Variants in PFKFB3 observed in about 807,000 individuals in gnomAD.
The protein encoded by PFKFB3 is 6-phosphofructo-2-kinase/fructose-2,6-bisphosphatase 3.
In PFKFB3, 33 loss-of-function variants were observed where a neutral mutation model predicts 68.0. The observed-to-expected ratio is 0.49, with a 90% CI of 0.37 to 0.65. The LOEUF (loss-of-function observed/expected upper bound fraction) is 0.65, where lower values mean the gene tolerates loss of function less well. Ranked by LOEUF, PFKFB3 falls within the 30% of genes least tolerant of loss-of-function variation. The pLI, the probability that PFKFB3 is intolerant of heterozygous loss-of-function variation, is 0.00. For synonymous variants in PFKFB3, 315 were observed against 288.2 expected (o/e 1.09, Z -0.94); for missense variants, 586 against 712.2 (o/e 0.82, Z 2.02).
the PFKFB3 span, among the ~76,000 whole-genome samples, chr10:6,319,829 T>G: frequency 6.6e-6 from 1 of 152,228 alleles, no homozygotes; most frequent in Non-Finnish European, 1.5e-5. Context: ...ACCAATTAAT[T>G]TGGTTTTATT....
chr10:6,163,429 A>C (rs1842021589), intron 1 of PFKFB3, among the ~76,000 whole-genome samples: 1 of 152,162 alleles, frequency 6.6e-6, no homozygotes, highest in Admixed American at 6.5e-5. Flanking sequence ...CTTTAGTCCT[A>C]GATACACCTG....
At position 6,220,995 on chromosome 10, in the gene PFKFB3, C is replaced by A; in HGVS notation, c.831+130C>A. 1 of 883,008 alleles carries A rather than the reference C, an allele frequency of 1.1e-6. No individual in the cohort carries two copies. The highest frequency in any genetic ancestry group is 1.8e-6 in the Non-Finnish European group (1 of 545,876). 54.7% of individuals were successfully genotyped at this position (883,008 alleles called of 1,614,324 possible). A position where few individuals can be genotyped will look rare whatever the true frequency, so the allele number is the denominator to read the frequency against. Reference sequence around the variant, plus strand: ...TTGGTGTGCTTGCTGTGTGTGTTATCTGTGTGTGCGCCTGCACGTCTCTAT... The same window carrying A: ...TTGGTGTGCTTGCTGTGTGTGTTATATGTGTGTGCGCCTGCACGTCTCTAT... On this transcript the variant is annotated intron_variant, in intron 8 of 14. Coordinates refer to ENST00000379775, the MANE Select transcript of PFKFB3 (RefSeq NM_004566.4). This position sits in a 1 kb window ranked among gnomAD's most constrained non-coding sequence, Gnocchi z 4.1.
At chr10:6,259,632 A>G (rs549523812), downstream of PFKFB3, among the ~76,000 whole-genome samples, 52 of 152,108 alleles carry the variant, frequency 3.4e-4, no homozygotes, top group South Asian at 3.5e-3. Flanking sequence ...CCATCCATCC[A>G]TCCGTCCATC....
chr10:6,255,891 A>G (rs1846488253), downstream of PFKFB3, among the ~76,000 whole-genome samples: 2 of 152,042 alleles, frequency 1.3e-5, no homozygotes, highest in Admixed American at 1.3e-4. Flanking sequence ...CCTGGAAGGG[A>G]GCGTTGGCGG....
chr10:6,216,881 A>G, intron 5 of PFKFB3, 101 bp downstream of exon 5: 1 of 856,886 alleles, frequency 1.2e-6, no homozygotes, highest in Middle Eastern at 2.4e-4. Flanking sequence ...CCTGCTGCCC[A>G]TGTTCCTTAG....
At position 6,215,487 on chromosome 10, in the gene PFKFB3, C is replaced by G. The variant is rs897050562; in HGVS notation, c.299+170C>G. On this transcript the variant is annotated intron_variant, in intron 3 of 14. Coordinates refer to ENST00000379775, the MANE Select transcript of PFKFB3 (RefSeq NM_004566.4). This position sits in a 1 kb window ranked among gnomAD's most constrained non-coding sequence, Gnocchi z 4.3. ...AGGCTGGGCTGCGGGCTTGGGCTTG[C>G]TTTGTTCTGAGCCAGGCTCTGTAGG... Among the ~76,000 whole-genome samples, 6 of 151,986 alleles carry G rather than the reference C, an allele frequency of 3.9e-5. No individual in the cohort carries two copies. Among genetic ancestry groups the G allele is most frequent in the Non-Finnish European group, 5.9e-5 (4 of 68,002 alleles).
the PFKFB3 span, among the ~76,000 whole-genome samples, chr10:6,303,238 A>G: frequency 6.6e-6 from 1 of 152,246 alleles, no homozygotes; most frequent in African/African-American, 2.4e-5. Flanking sequence ...TGATTTATTT[A>G]CAAAGGTAGC....
intron 1 of PFKFB3, among the ~76,000 whole-genome samples, chr10:6,189,852 G>A (rs1218068277): frequency 6.6e-6 from 1 of 152,078 alleles, no homozygotes; most frequent in South Asian, 2.1e-4. Context: ...GATGGTGCCC[G>A]CCAGTTTTCT....
chr10:6,226,466 T>G, intron 14 of PFKFB3, 101 bp downstream of exon 14: 1 of 1,033,090 alleles, frequency 9.7e-7, no homozygotes. Context: ...AATACGTGCG[T>G]GGGTGCGTGT....
the PFKFB3 span, among the ~76,000 whole-genome samples, chr10:6,297,745 A>C: frequency 6.6e-6 from 1 of 152,200 alleles, no homozygotes; most frequent in Non-Finnish European, 1.5e-5. Context: ...GGGTGTGTCA[A>C]GTGATCGAGG....
chr10:6,249,780 T>G (rs534550472), intron 14 of PFKFB3, among the ~76,000 whole-genome samples: 8 of 152,134 alleles, frequency 5.3e-5, no homozygotes, highest in African/African-American at 1.7e-4. Context: ...TACAGCATGG[T>G]GACTATAGAA....
At chr10:6,315,893 G>A in the PFKFB3 span, among the ~76,000 whole-genome samples, 1 of 152,198 alleles carries the variant, frequency 6.6e-6, no homozygotes, top group Non-Finnish European at 1.5e-5. Context: ...ATGTCAGGCT[G>A]TTTTCCTGTT....
chr10:6,204,127 C>T (rs1273489295), intron 1 of PFKFB3, among the ~76,000 whole-genome samples: 1 of 152,266 alleles, frequency 6.6e-6, no homozygotes, highest in Non-Finnish European at 1.5e-5. Flanking sequence ...CGCCGGTCGC[C>T]GCCCCCGCCA....
intron 1 of PFKFB3, among the ~76,000 whole-genome samples, chr10:6,210,357 TTTTTTTG>T (rs756936143): frequency 0.5 from 14,738 of 29,600 alleles, 4,318 homozygotes; most frequent in Non-Finnish European, 0.71. Flanking sequence ...TTTTTTTTTG[TTTTTTTG>T]TTTTTTTTTT....
chr10:6,185,915 C>T (rs1203162487), intron 1 of PFKFB3, among the ~76,000 whole-genome samples: 1 of 152,162 alleles, frequency 6.6e-6, no homozygotes, highest in Non-Finnish European at 1.5e-5. Flanking sequence ...GCTGGGATTA[C>T]AGGCATGAGC....
At position 6,210,581 on chromosome 10, in the gene PFKFB3, A is replaced by ATCTCCTGACCTCGTGATCCGCCCGCC. The variant is rs1564623698; in HGVS notation, c.77-3041_77-3040insCTCCTGACCTCGTGATCCGCCCGCCT. Among the ~76,000 whole-genome samples the ATCTCCTGACCTCGTGATCCGCCCGCC allele has an allele frequency of 1.7e-3, 91 of 52,522 alleles. 8 individuals are homozygous for ATCTCCTGACCTCGTGATCCGCCCGCC. The highest frequency in any genetic ancestry group is 2.3e-3 in the Non-Finnish European group (41 of 17,618). 34.5% of individuals were successfully genotyped at this position (52,522 alleles called of 152,430 possible). A position where few individuals can be genotyped will look rare whatever the true frequency, so the allele number is the denominator to read the frequency against. On this transcript the variant is annotated intron_variant, in intron 1 of 14. Transcript: ENST00000379775. ...CGCCATGTTAGCCAGGATAGTCTTG[A>ATCTCCTGACCTCGTGATCCGCCCGCC]TAGTGTTTTTAATAGACGGGGTTTC...
rs1845810864 is a variant in PFKFB3 at position 6,232,546 on chromosome 10, G to A, written c.1516-349G>A. Among the ~76,000 whole-genome samples the A allele has an allele frequency of 3.3e-5, 5 of 152,162 alleles. No homozygotes were observed. The South Asian group carries it at 1.0e-3, about 31-fold the overall frequency. On this transcript the variant is annotated intron_variant, in intron 14 of 14. Coordinates refer to ENST00000379775, the MANE Select transcript of PFKFB3 (RefSeq NM_004566.4). The stretch of plus-strand genomic sequence containing the variant: ...CGGGCTCATCCTCTGCCTGGCTGTG[G>A]TTTGTGGGATTTCTATGGGGTCGTG...
intron 1 of PFKFB3, among the ~76,000 whole-genome samples, chr10:6,178,950 G>A (rs1842620027): frequency 6.6e-6 from 1 of 152,190 alleles, no homozygotes; most frequent in East Asian, 1.9e-4. Flanking sequence ...CCCAGCACGG[G>A]GTCCTCCGCA....
chr10:6,312,601 G>A, the PFKFB3 span, among the ~76,000 whole-genome samples: 1 of 152,156 alleles, frequency 6.6e-6, no homozygotes, highest in Non-Finnish European at 1.5e-5. Flanking sequence ...ACACCTTCCA[G>A]AAAAAAGATC....
Sources: allele counts gnomAD v4.1 joint callset (sites outside exome capture counted in the v4.1 genomes callset), GRCh38; gene constraint gnomAD v4.1.1; non-coding constraint Gnocchi (gnomAD v3.1); transcripts MANE v1.5; gene names NCBI Gene and HGNC (gene_info 2026-07-23, HGNC 2026-07-21).